The following SLC12A3 variants were observed in gnomAD, a reference collection of about 807,000 sequenced individuals.
SLC12A3 encodes the protein solute carrier family 12 member 3.
Under a neutral mutation model 121.0 loss-of-function variants are expected in SLC12A3, and 104 were observed. The ratio of observed to expected loss-of-function variants is 0.86; its 90% CI spans 0.73 to 1.01. The LOEUF (loss-of-function observed/expected upper bound fraction) is 1.01. Among genes scored for constraint, SLC12A3 ranks in the 50% least tolerant of loss-of-function variants. The pLI is 0.00. For missense variants in SLC12A3, 1,328 were observed against 1,356.3 expected, an observed-to-expected ratio of 0.98 and a Z score of 0.33; for synonymous variants, 536 against 533.4, an observed-to-expected ratio of 1.00 and a Z score of -0.07.
chr16:56,902,569 G>T, intron 24 of SLC12A3, 61 bp downstream of exon 24: 1 of 1,600,298 alleles, frequency 6.2e-7, no homozygotes, highest in Non-Finnish European at 8.5e-7. Flanking sequence ...CGGGTGTCCT[G>T]CATGTCTTGA....
Position 56,869,799 on chromosome 16 carries a change from C to G in SLC12A3, c.576C>G (p.Ile192Met). ...TCACAGGCCTCTCCATCTCAGCCAT[C>G]TCCACCAATGGCAAGGTCAAGTCAG... is the stretch of plus-strand genomic sequence containing the variant. ...TSITGLSISAISTNGKVKSGG... is the reference protein window; with the variant it reads ...TSITGLSISAMSTNGKVKSGG... The change falls in exon 4 of 26, where the codon ATC becomes ATG. Residue 192 changes from isoleucine to methionine, a missense_variant. Ile to Met is a conservative substitution (Grantham distance 10). Transcript: ENST00000563236. 3 of 1,614,092 alleles carry G rather than the reference C, an allele frequency of 1.9e-6. No individual in the cohort carries two copies. Among genetic ancestry groups the G allele is most frequent in the Non-Finnish European group, 2.5e-6 (3 of 1,179,956 alleles).
At chr16:56,896,907 T>A (rs1344246748) in intron 22 of SLC12A3, among the ~76,000 whole-genome samples, 1 of 151,830 alleles carries the variant, frequency 6.6e-6, no homozygotes, top group Non-Finnish European at 1.5e-5. Context: ...GCCTGACCAA[T>A]ATGGTGAAAC....
At position 56,879,555 on chromosome 16, in the gene SLC12A3, T is replaced by C; in HGVS notation, c.1349T>C (p.Val450Ala). ...AAATCCCCACAGACCATGAGCATGG[T>C]GTCAGGCTTCGCGCCCCTGATCACG... ...LINYYQTMSM[V>A]SGFAPLITAG... Residue 450 changes from valine (V) to alanine (A), a missense_variant, in exon 11 of 26, where the codon GTG becomes GCG. By Grantham distance (64) the Val-to-Ala change is moderately conservative (BLOSUM62 0). Coordinates refer to ENST00000563236, the MANE Select transcript of SLC12A3 (RefSeq NM_001126108.2). 3 of 1,613,490 alleles carry C rather than the reference T, an allele frequency of 1.9e-6. No individual in the cohort carries two copies. The highest frequency in any genetic ancestry group is 1.1e-5 in the South Asian group (1 of 91,074).
At chr16:56,871,518 T>G (rs1215781048) in intron 6 of SLC12A3, among the ~76,000 whole-genome samples, 1 of 152,132 alleles carries the variant, frequency 6.6e-6, no homozygotes, top group Non-Finnish European at 1.5e-5. Context: ...TCTCCCCGCA[T>G]TTTCTGACCT....
rs1347239469 is a variant in SLC12A3, at chr16:56,899,617, G to C, written c.2720+1G>C. The C allele has an allele frequency of 4.3e-6, 7 of 1,612,184 alleles. No individual in the cohort carries two copies. Among genetic ancestry groups the C allele is most frequent in the Non-Finnish European group, 5.9e-6 (7 of 1,178,192 alleles). On this transcript the variant is annotated splice_donor_variant, in intron 23 of 25. Coordinates refer to ENST00000563236, the MANE Select transcript of SLC12A3 (RefSeq NM_001126108.2). LOFTEE classifies it high-confidence loss of function. ...TCAACCAGAACCCTCGGGCTGAGCA[G>C]TAAGTTCTGTTTTGGGGCTTCCAGG...
At chr16:56,875,748 A>G (rs1196493050) in intron 8 of SLC12A3, among the ~76,000 whole-genome samples, 1 of 150,576 alleles carries the variant, frequency 6.6e-6, no homozygotes, top group Non-Finnish European at 1.5e-5. Flanking sequence ...CACAGCAGGG[A>G]AGAGGTGGGC....
intron 8 of SLC12A3, among the ~76,000 whole-genome samples, chr16:56,877,409 A>G (rs2055177625): frequency 6.6e-6 from 1 of 152,158 alleles, no homozygotes; most frequent in South Asian, 2.1e-4. Context: ...AAAAAAATAA[A>G]ATAAAAATAA....
At chr16:56,881,047 C>T (rs1332766144) in intron 12 of SLC12A3, among the ~76,000 whole-genome samples, 1 of 152,198 alleles carries the variant, frequency 6.6e-6, no homozygotes, top group African/African-American at 2.4e-5. Flanking sequence ...AGGCAGAACT[C>T]GCGAGGAGAG....
rs368574873 is a variant in SLC12A3 at position 56,878,171 on chromosome 16, C to T, written c.1180+10C>T. 571 of 1,605,956 alleles carry T rather than the reference C, an allele frequency of 3.6e-4. No individual in the cohort carries two copies. The highest frequency in any genetic ancestry group is 3.9e-4 in the Non-Finnish European group (463 of 1,175,046). The stretch of plus-strand genomic sequence containing the variant: ...ATCTCAGCCACCATTGGTAAGTGGC[C>T]GGCCCAGCCAGTCAGGAGGGGGAGG... On this transcript the variant is annotated intron_variant, in intron 9 of 25. Coordinates refer to ENST00000563236, the MANE Select transcript of SLC12A3 (RefSeq NM_001126108.2).
rs575198295 is a variant in SLC12A3, at chr16:56,883,425, C to T, written c.1670-624C>T. Among the ~76,000 whole-genome samples the T allele has an allele frequency of 1.1e-4, 17 of 151,736 alleles. No individual in the cohort carries two copies. The South Asian group carries it at 2.7e-3, about 24-fold the overall frequency. ...CCTCCCCAGTAGCTGGGATTACAGG[C>T]GCCCACCACCACGCCCAGCTAATTT... On this transcript the variant is annotated intron_variant, in intron 13 of 25. Transcript: ENST00000563236.
At chr16:56,880,578 AG>A (rs1215727030) in intron 12 of SLC12A3, among the ~76,000 whole-genome samples, 2 of 152,098 alleles carry the variant, frequency 1.3e-5, no homozygotes, top group African/African-American at 4.8e-5. Context: ...CCCCCTCCCC[AG>A]GCCTAAATGA....
At chr16:56,881,344 A>G (rs572055616) in intron 12 of SLC12A3, among the ~76,000 whole-genome samples, 3 of 152,230 alleles carry the variant, frequency 2.0e-5, no homozygotes, top group Admixed American at 1.3e-4. Context: ...GTCTGGTCAG[A>G]CTTGATGTTC....
intron 25 of SLC12A3, among the ~76,000 whole-genome samples, chr16:56,908,740 A>AG (rs1211305329): frequency 6.6e-6 from 1 of 152,192 alleles, no homozygotes. Flanking sequence ...TGATAAGGAA[A>AG]GGGGCTGGGC....
At chr16:56,871,504 G>C (rs1160719314) in intron 6 of SLC12A3, among the ~76,000 whole-genome samples, 1 of 152,162 alleles carries the variant, frequency 6.6e-6, no homozygotes, top group Non-Finnish European at 1.5e-5. Flanking sequence ...CCTGCAGCCT[G>C]TCCTCTCCCC....
chr16:56,904,317 A>G, intron 24 of SLC12A3, 78 bp from the exon 25 acceptor site: 1 of 1,279,368 alleles, frequency 7.8e-7, no homozygotes, highest in Non-Finnish European at 1.1e-6. Context: ...TGAAAATGTT[A>G]ATGAGGCCAT....
intron 25 of SLC12A3, among the ~76,000 whole-genome samples, chr16:56,910,249 C>A (rs116594315): frequency 1.9e-3 from 290 of 151,860 alleles, no homozygotes; most frequent in African/African-American, 6.7e-3. Flanking sequence ...TCTCGGCTCA[C>A]GGCAACCTCT....
intron 8 of SLC12A3, among the ~76,000 whole-genome samples, chr16:56,877,558 G>A (rs1430710665): frequency 6.6e-6 from 1 of 152,198 alleles, no homozygotes; most frequent in Non-Finnish European, 1.5e-5. Flanking sequence ...CACGCTGTGA[G>A]GGCTGGCGGG....
rs142990836 is a variant in SLC12A3 at position 56,892,334 on chromosome 16, C to T, written c.2419+201C>T. On this transcript the variant is annotated intron_variant, in intron 20 of 25. Transcript: ENST00000563236. ...GTGTCAAAGATTGCCAGCAGCCAGG[C>T]GCAGTGGCTCATGCCTGTAATCCCA... 6.0e-4 allele frequency among the ~76,000 whole-genome samples: 91 copies of T among 152,186 alleles called. No individual in the cohort carries two copies. In the East Asian group the frequency reaches 0.015, roughly 25 times the overall value.
intron 8 of SLC12A3, among the ~76,000 whole-genome samples, chr16:56,876,267 T>A (rs2055162739): frequency 6.6e-6 from 1 of 152,192 alleles, no homozygotes; most frequent in African/African-American, 2.4e-5. Flanking sequence ...TCATCTTTAC[T>A]AACTGCACCT....
Sources: gnomAD v4.1 joint callset for allele counts (sites outside exome capture counted in the v4.1 genomes callset) on GRCh38, gnomAD v4.1.1 for gene constraint, MANE v1.5 for transcripts, NCBI Gene and HGNC (gene_info 2026-07-23, HGNC 2026-07-21) for gene names.